The following TOGARAM1 variants were observed in gnomAD, a reference collection of about 807,000 sequenced individuals.
TOGARAM1 encodes TOG array regulator of axonemal microtubules protein 1.
In TOGARAM1, 100 loss-of-function variants were observed where a neutral mutation model predicts 166.6. That is an observed-to-expected ratio of 0.60 (90% CI 0.51 to 0.71). The LOEUF (loss-of-function observed/expected upper bound fraction) is 0.71, where lower values mean the gene tolerates loss of function less well. TOGARAM1 is among the 30% of genes least tolerant of loss of function. The pLI is 0.00. For synonymous variants in TOGARAM1, 758 were observed against 763.8 expected (o/e 0.99, Z 0.13); for missense variants, 2,029 against 2,102.7 (o/e 0.96, Z 0.69).
intron 13 of TOGARAM1, among the ~76,000 whole-genome samples, chr14:45,046,226 G>A (rs2138958654): frequency 6.6e-6 from 1 of 152,226 alleles, no homozygotes; most frequent in African/African-American, 2.4e-5. Context: ...TTGAGTCCAG[G>A]AGTTCGAGAC....
chr14:45,072,908 C>T (rs546333344), intron 19 of TOGARAM1, among the ~76,000 whole-genome samples: 25 of 152,188 alleles, frequency 1.6e-4, no homozygotes, highest in Admixed American at 1.1e-3. Flanking sequence ...AGAAATAATA[C>T]GGGAAAAGTA....
At chr14:45,040,752 C>G (rs113803867) in intron 11 of TOGARAM1, among the ~76,000 whole-genome samples, 2,329 of 152,256 alleles carry the variant, frequency 0.015, 70 homozygotes, top group African/African-American at 0.053. Context: ...AAATAGATAA[C>G]TTGTGACCGG....
intron 8 of TOGARAM1, among the ~76,000 whole-genome samples, chr14:45,027,025 A>G (rs1186834382): frequency 6.6e-6 from 1 of 151,948 alleles, no homozygotes; most frequent in African/African-American, 2.4e-5. Context: ...AAACAAACAA[A>G]CAAACAAAAA....
intron 6 of TOGARAM1, 55 bp from the exon 7 acceptor site, chr14:45,011,920 G>A: frequency 2.5e-6 from 3 of 1,208,204 alleles, no homozygotes; most frequent in Non-Finnish European, 3.6e-6. Flanking sequence ...TGTGATGTGA[G>A]TATTGAACAG....
In TOGARAM1 at chr14:44,964,265, C is replaced by G. The variant is rs531794647; in HGVS notation, c.1844C>G (p.Ala615Gly). ...GGAGCAGATACGGACTGGCTTTTGG[C>G]TGGTAACAGAACTCAGAGTGCACAC... ...AHGADTDWLLAGNRTQSAHCH... is the reference protein window; with the variant it reads ...AHGADTDWLLGGNRTQSAHCH... The change falls in exon 1 of 20, where the codon GCT becomes GGT. Residue 615 changes from alanine (A) to glycine (G), a missense_variant. By Grantham distance (60) the Ala-to-Gly change is moderately conservative. Transcript: ENST00000361462. 1 of 1,614,074 alleles carries G rather than the reference C, an allele frequency of 6.2e-7. No individual in the cohort carries two copies. Among genetic ancestry groups the G allele is most frequent in the South Asian group, 1.1e-5 (1 of 91,076 alleles).
chr14:45,056,872 A>G (rs981842330), intron 16 of TOGARAM1, among the ~76,000 whole-genome samples: 1 of 152,170 alleles, frequency 6.6e-6, no homozygotes, highest in African/African-American at 2.4e-5. Context: ...TTGGCCTCAT[A>G]GAATAATTTA....
At chr14:45,007,116 G>T (rs1204219692) in intron 5 of TOGARAM1, 3 of 151,936 alleles carry the variant, frequency 2.0e-5, no homozygotes, top group African/African-American at 7.3e-5. Context: ...ACTTAATTAT[G>T]ATATTTTATG....
At chr14:45,002,847 C>G (rs529222751) in intron 3 of TOGARAM1, among the ~76,000 whole-genome samples, 66 of 152,096 alleles carry the variant, frequency 4.3e-4, no homozygotes, top group African/African-American at 1.3e-3. Flanking sequence ...GACATGGTGG[C>G]GGGCACCTAT....
chr14:45,036,060 T>C (rs951168139), intron 11 of TOGARAM1, among the ~76,000 whole-genome samples: 2 of 147,514 alleles, frequency 1.4e-5, no homozygotes, highest in African/African-American at 5.0e-5. Context: ...AATCCAGGGG[T>C]TCGAGGCTGC....
chr14:44,967,037 C>T (rs1885592586), intron 1 of TOGARAM1, among the ~76,000 whole-genome samples: 1 of 152,042 alleles, frequency 6.6e-6, no homozygotes, highest in Non-Finnish European at 1.5e-5. Flanking sequence ...GACCTGGAAT[C>T]AGCCATTTTT....
chr14:44,999,233 C>A, intron 2 of TOGARAM1, 130 bp from the exon 3 acceptor site: 2 of 832,094 alleles, frequency 2.4e-6, no homozygotes, highest in Non-Finnish European at 3.4e-6. Context: ...TTCTTGCCTG[C>A]CTACCTCACT....
intron 18 of TOGARAM1, among the ~76,000 whole-genome samples, chr14:45,070,841 T>G (rs1468985476): frequency 6.6e-6 from 1 of 152,226 alleles, no homozygotes; most frequent in Non-Finnish European, 1.5e-5. Flanking sequence ...ATTTCTCTGT[T>G]TCTATTATTA....
At chr14:44,965,975 A>G (rs906469585) in intron 1 of TOGARAM1, among the ~76,000 whole-genome samples, 10 of 151,004 alleles carry the variant, frequency 6.6e-5, no homozygotes, top group Non-Finnish European at 1.2e-4. Flanking sequence ...CCCAGGGTCA[A>G]ACGATTCTCC....
At chr14:45,068,715 T>A (rs551990578) in intron 18 of TOGARAM1, 72 bp downstream of exon 18, 7 of 1,145,060 alleles carry the variant, frequency 6.1e-6, no homozygotes, top group Non-Finnish European at 2.4e-6. Flanking sequence ...ATCCATACTT[T>A]TTTTGTAATG....
rs1882723846 is a variant in TOGARAM1, at chr14:45,058,026, CT to C, written c.4559+3478del. On this transcript the variant is annotated intron_variant, in intron 16 of 19. Transcript: ENST00000361462. ...TTCTGTCTCAATAATCTGCCTAGTA[CT>C]GTGAGTGGAATGTTGAAGTCCACAC... Among the ~76,000 whole-genome samples the C allele has an allele frequency of 3.3e-5, 5 of 152,288 alleles. No homozygotes were observed. In the South Asian group the frequency reaches 1.0e-3, roughly 32 times the overall value.
At chr14:45,023,843 C>T (rs944948736) in intron 7 of TOGARAM1, among the ~76,000 whole-genome samples, 2 of 152,044 alleles carry the variant, frequency 1.3e-5, no homozygotes, top group East Asian at 1.9e-4. Context: ...CAGGTTCAAG[C>T]GATTCTCCTG....
intron 1 of TOGARAM1, among the ~76,000 whole-genome samples, chr14:44,986,339 G>C (rs911878312): frequency 1.3e-5 from 2 of 152,036 alleles, no homozygotes; most frequent in Admixed American, 1.3e-4. Context: ...GCTCATGCTG[G>C]AGTGTAGTGG....
chr14:45,012,727 T>C (rs1222868679), intron 7 of TOGARAM1, among the ~76,000 whole-genome samples: 2 of 152,196 alleles, frequency 1.3e-5, no homozygotes, highest in Non-Finnish European at 2.9e-5. Context: ...CATGATCTAA[T>C]GTAAAAGTCC....
chr14:45,071,067 A>G (rs1594712546), intron 18 of TOGARAM1, among the ~76,000 whole-genome samples: 1 of 150,926 alleles, frequency 6.6e-6, no homozygotes, highest in East Asian at 2.0e-4. Context: ...GATTACAGGC[A>G]CGCACCACCA....
Sources: allele counts gnomAD v4.1 joint callset (sites outside exome capture counted in the v4.1 genomes callset), GRCh38; gene constraint gnomAD v4.1.1; transcripts MANE v1.5; gene names NCBI Gene and HGNC (gene_info 2026-07-23, HGNC 2026-07-21).